DDX46: variants seen among roughly 807,000 people sequenced by gnomAD.
DDX46 encodes DEAD-box helicase 46, also known as probable ATP-dependent RNA helicase DDX46.
In DDX46, 30 loss-of-function variants were observed where a neutral mutation model predicts 134.9. That is an observed-to-expected ratio of 0.22 (90% confidence interval 0.17 to 0.30). The LOEUF (loss-of-function observed/expected upper bound fraction) is 0.30, where lower values mean the gene tolerates loss of function less well. Ranked by LOEUF, DDX46 falls within the 10% of genes least tolerant of loss-of-function variation. The pLI is 1.00. For synonymous variants in DDX46, 415 were observed against 404.1 expected (o/e 1.03, Z -0.32); for missense variants, 622 against 1,248.7 (o/e 0.50, Z 7.56).
At chr5:134,769,846 C>T (rs898602594) in intron 3 of DDX46, among the ~76,000 whole-genome samples, 5 of 152,084 alleles carry the variant, frequency 3.3e-5, no homozygotes, top group South Asian at 2.1e-4. Context: ...CGCGCCCGGC[C>T]GAGTTGGGGT....
At chr5:134,765,012 A>T (rs1166539234) in intron 2 of DDX46, among the ~76,000 whole-genome samples, 1 of 151,410 alleles carries the variant, frequency 6.6e-6, no homozygotes, top group African/African-American at 2.4e-5. Flanking sequence ...CTCTTAAACT[A>T]TTTTAATGAG....
intron 10 of DDX46, 150 bp downstream of exon 10, chr5:134,784,691 C>A: frequency 1.1e-5 from 8 of 748,404 alleles, no homozygotes; most frequent in Non-Finnish European, 1.3e-5. Flanking sequence ...GCTGATTTCC[C>A]CTTACCAGCA....
intron 4 of DDX46, among the ~76,000 whole-genome samples, chr5:134,771,811 A>G (rs749830635): frequency 3.9e-5 from 6 of 152,212 alleles, no homozygotes; most frequent in African/African-American, 1.2e-4. Context: ...AGATTAAATA[A>G]TATTTACCCC....
At chr5:134,815,844 G>A (rs1454798589) in intron 18 of DDX46, among the ~76,000 whole-genome samples, 1 of 151,806 alleles carries the variant, frequency 6.6e-6, no homozygotes, top group Non-Finnish European at 1.5e-5. Flanking sequence ...TTGATTCAAA[G>A]GAATAAGGGA....
intron 14 of DDX46, among the ~76,000 whole-genome samples, chr5:134,795,246 G>A (rs1190262976): frequency 7.0e-6 from 1 of 143,842 alleles, no homozygotes. Context: ...GTGCAGTGGT[G>A]CATGCCTGAA....
chr5:134,777,482 G>A, intron 5 of DDX46, 92 bp from the exon 6 acceptor site: 3 of 1,411,436 alleles, frequency 2.1e-6, no homozygotes, highest in Non-Finnish European at 2.9e-6. Flanking sequence ...TTGGGCAGTG[G>A]CAGAAAAGGT....
chr5:134,796,554 C>T (rs1377168446), intron 15 of DDX46, among the ~76,000 whole-genome samples: 1 of 152,122 alleles, frequency 6.6e-6, no homozygotes, highest in Non-Finnish European at 1.5e-5. Flanking sequence ...GTATGTGGAA[C>T]TAGAACACAA....
At chr5:134,790,215 C>G in intron 12 of DDX46, 1 of 586,172 alleles carries the variant, frequency 1.7e-6, no homozygotes. Context: ...TCTTCAGGCC[C>G]TATGATGGTA....
intron 5 of DDX46, among the ~76,000 whole-genome samples, chr5:134,776,426 A>G (rs1056203791): frequency 1.3e-5 from 2 of 151,968 alleles, no homozygotes; most frequent in East Asian, 1.9e-4. Flanking sequence ...AAGCAAAAAT[A>G]TACTTACTGT....
chr5:134,788,928 G>A (rs1754424241), intron 12 of DDX46, among the ~76,000 whole-genome samples: 1 of 151,752 alleles, frequency 6.6e-6, no homozygotes, highest in Admixed American at 6.6e-5. Context: ...TTTTTTTTCA[G>A]AAGTAACTCC....
chr5:134,779,637 T>G (rs939399212), intron 6 of DDX46, among the ~76,000 whole-genome samples: 1 of 152,152 alleles, frequency 6.6e-6, no homozygotes, highest in African/African-American at 2.4e-5. Flanking sequence ...TAGTTAGGAC[T>G]ACAGGCATGT....
chr5:134,815,722 A>AAG (rs1251366123), intron 18 of DDX46, among the ~76,000 whole-genome samples: 2 of 151,114 alleles, frequency 1.3e-5, no homozygotes, highest in Non-Finnish European at 3.0e-5. Context: ...AAAAAAAAAA[A>AAG]AAAAAAAAAA....
At position 134,778,274 on chromosome 5, in the gene DDX46, T is replaced by G. The variant is rs1754011423; in HGVS notation, c.765+549T>G. Among the ~76,000 whole-genome samples, 3 of 152,180 alleles carry G rather than the reference T, an allele frequency of 2.0e-5. No homozygotes were observed. The South Asian group carries it at 6.2e-4, about 32-fold the overall frequency. On this transcript the variant is annotated intron_variant, in intron 6 of 22. Coordinates refer to ENST00000452510, the MANE Select transcript of DDX46 (RefSeq NM_001300860.2). ...CTCAAGTGAACCACCTGCCTCGGCC[T>G]CCCAAAATACTTGGATTACAGGCAT...
At position 134,784,516 on chromosome 5, in the gene DDX46, A is replaced by C. The variant is rs778254825; in HGVS notation, c.1317A>C (p.Ser439=). 2 of 1,608,744 alleles carry C rather than the reference A, an allele frequency of 1.2e-6. No individual in the cohort carries two copies. The highest frequency in any genetic ancestry group is 2.7e-5 in the African/African-American group (2 of 74,692). The part of the protein sequence containing the change: ...PMFRHIMDQR[S]LEEGEGPIAV... ...TTAGACACATCATGGATCAGAGGTC[A>C]TTAGAGGAAGGAGAGGGGCCAATAG... Residue 439 remains serine (S), a synonymous_variant, in exon 10 of 23, where the codon TCA becomes TCC. Transcript: ENST00000452510.
intron 20 of DDX46, 132 bp downstream of exon 20, chr5:134,817,846 A>G: frequency 1.3e-6 from 1 of 752,914 alleles, no homozygotes; most frequent in Non-Finnish European, 2.1e-6. Context: ...ATATAACAAT[A>G]GAAATTTGAT....
rs775562976 is a variant in DDX46, at chr5:134,763,965, C to T, written c.79C>T (p.Pro27Ser). The change falls in exon 2 of 23, where the codon CCC (proline) becomes TCC (serine). Residue 27 changes from proline (P) to serine (S), a missense_variant. Physicochemically the swap from Pro to Ser is moderately conservative, Grantham distance 74 (BLOSUM62 -1). This residue lies in a region of DDX46 where 244 missense variants were observed against 349.3 expected (regional missense o/e 0.70). Coordinates refer to ENST00000452510, the MANE Select transcript of DDX46 (RefSeq NM_001300860.2). ...TGGAAGTCGGTCTAGAAGTCGCTCA[C>T]CCTCAGACAAAAGAAGTAAACGTGG... is the stretch of plus-strand genomic sequence containing the variant. ...RSGSRSRSRS[P>S]SDKRSKRGDD... The T allele has an allele frequency of 9.3e-6, 15 of 1,614,006 alleles. No homozygotes were observed. In the Admixed American group the frequency reaches 1.0e-4, roughly 11 times the overall value.
chr5:134,775,704 G>A (rs1047095715), intron 5 of DDX46, among the ~76,000 whole-genome samples: 2 of 152,146 alleles, frequency 1.3e-5, no homozygotes, highest in Non-Finnish European at 2.9e-5. Flanking sequence ...ATGTTGGCCA[G>A]GCTAGTCTCA....
intron 9 of DDX46, 93 bp downstream of exon 9, chr5:134,783,158 A>G (rs1754208384): frequency 6.8e-7 from 1 of 1,470,740 alleles, no homozygotes; most frequent in Non-Finnish European, 9.1e-7. Context: ...TTTTTACTCT[A>G]AAAAAACCCT....
intron 17 of DDX46, 151 bp from the exon 18 acceptor site, chr5:134,811,545 G>A (rs1375360831): frequency 1.8e-6 from 2 of 1,127,810 alleles, no homozygotes; most frequent in Non-Finnish European, 2.5e-6. Context: ...ATTTTGTGGT[G>A]TCTATGTAGA....
Sources: gnomAD v4.1 joint callset for allele counts (sites outside exome capture counted in the v4.1 genomes callset) on GRCh38, gnomAD v4.1.1 for gene constraint, gnomAD v4.1.1 regional missense constraint, MANE v1.5 for transcripts, NCBI Gene and HGNC (gene_info 2026-07-23, HGNC 2026-07-21) for gene names.